The following KIAA1328 variants were observed in gnomAD, a reference collection of about 807,000 sequenced individuals.
KIAA1328 encodes the protein KIAA1328, also known as protein hinderin.
KIAA1328 carries 52 observed loss-of-function variants against 68.1 expected under a neutral mutation model. The ratio of observed to expected loss-of-function variants is 0.76; its 90% CI spans 0.61 to 0.96. The LOEUF is 0.96. Ranked by LOEUF, KIAA1328 falls within the 40% of genes least tolerant of loss-of-function variation. KIAA1328 has a pLI of 0.00. For synonymous variants in KIAA1328, 232 were observed against 239.4 expected (o/e 0.97, Z 0.28); for missense variants, 641 against 677.6 (o/e 0.95, Z 0.60).
intron 7 of KIAA1328, among the ~76,000 whole-genome samples, chr18:37,110,900 A>G (rs1482387811): frequency 6.6e-6 from 1 of 152,094 alleles, no homozygotes; most frequent in Non-Finnish European, 1.5e-5. Flanking sequence ...TTTACATTGA[A>G]CTCAACTATA....
Position 36,835,284 on chromosome 18 carries a change from A to G in KIAA1328, c.145A>G (p.Lys49Glu). 3 of 1,613,708 alleles carry G rather than the reference A, an allele frequency of 1.9e-6. No individual in the cohort carries two copies. Among genetic ancestry groups the G allele is most frequent in the Non-Finnish European group, 2.5e-6 (3 of 1,179,682 alleles). ...VRSRHKLMSP[K>E]ADVKLKTSRV... The stretch of plus-strand genomic sequence containing the variant: ...ATCAAGACACAAGCTGATGAGTCCA[A>G]AAGCTGATGTTAAACTTAAGACTTC... Residue 49 changes from lysine (K) to glutamate (E), a missense_variant, in exon 3 of 10, where the codon AAA becomes GAA. Coordinates refer to ENST00000280020, the MANE Select transcript of KIAA1328 (RefSeq NM_020776.3).
chr18:36,997,441 T>G (rs1474222709), intron 6 of KIAA1328, among the ~76,000 whole-genome samples: 2 of 152,130 alleles, frequency 1.3e-5, no homozygotes, highest in Non-Finnish European at 2.9e-5. Context: ...AGCCCATAAC[T>G]CTAGTCTGGA....
intron 6 of KIAA1328, among the ~76,000 whole-genome samples, chr18:37,044,948 G>A (rs1373706719): frequency 1.3e-5 from 2 of 152,086 alleles, no homozygotes; most frequent in African/African-American, 2.4e-5. Flanking sequence ...AAACAGACTT[G>A]AAGTTTAAGT....
chr18:36,877,423 A>T (rs2058189675), intron 4 of KIAA1328, among the ~76,000 whole-genome samples: 1 of 151,462 alleles, frequency 6.6e-6, no homozygotes, highest in Non-Finnish European at 1.5e-5. Context: ...CCATTATGTA[A>T]TGCCGTTCTT....
chr18:37,181,333 T>TA (rs2059694892), intron 9 of KIAA1328, among the ~76,000 whole-genome samples: 4 of 151,644 alleles, frequency 2.6e-5, no homozygotes, highest in Admixed American at 2.6e-4. Context: ...ACCAAGAGGG[T>TA]AAAAAGCCCA....
At position 37,223,768 on chromosome 18, in the gene KIAA1328, C is replaced by A; in HGVS notation, c.*1541C>A. The A allele has an allele frequency of 1.0e-6, 1 of 985,408 alleles. No homozygotes were observed. The highest frequency in any genetic ancestry group is 1.2e-6 in the Non-Finnish European group (1 of 829,932). The allele number at this position is 985,408 out of a possible 1,614,324, so 61.0% of individuals were successfully genotyped here. A position where few individuals can be genotyped will look rare whatever the true frequency, so the allele number is the denominator to read the frequency against. On this transcript the variant is annotated 3_prime_UTR_variant, in exon 10 of 10. Transcript: ENST00000280020. Reference sequence around the variant, plus strand: ...TCCTTATCCAGATAGATCCAAAGCTCATGTCTCTTCAGGCTGAGACTGGCG... The same window carrying A: ...TCCTTATCCAGATAGATCCAAAGCTAATGTCTCTTCAGGCTGAGACTGGCG...
intron 9 of KIAA1328, among the ~76,000 whole-genome samples, chr18:37,187,702 C>T (rs1218551792): frequency 3.3e-5 from 5 of 152,146 alleles, no homozygotes; most frequent in Admixed American, 1.3e-4. Flanking sequence ...AATTGTACCT[C>T]AGGGTTTTTT....
intron 6 of KIAA1328, among the ~76,000 whole-genome samples, chr18:37,016,584 C>A (rs1434658924): frequency 2.0e-5 from 3 of 152,098 alleles, no homozygotes; most frequent in Admixed American, 6.6e-5. Flanking sequence ...GTGAATCCAT[C>A]TGGTCTGGGG....
chr18:36,928,388 T>C (rs1430597559), intron 5 of KIAA1328, among the ~76,000 whole-genome samples: 1 of 152,200 alleles, frequency 6.6e-6, no homozygotes, highest in African/African-American at 2.4e-5. Context: ...AGTAATTTAC[T>C]TGACTTTATT....
At chr18:37,231,771 C>G (rs946421343), downstream of KIAA1328, 1 of 152,672 alleles carries the variant, frequency 6.5e-6, no homozygotes, top group Non-Finnish European at 1.5e-5. Flanking sequence ...ACCTGTTCTG[C>G]AGCTGTAAGA....
chr18:36,878,822 T>G (rs897467227), intron 4 of KIAA1328, among the ~76,000 whole-genome samples: 1 of 152,266 alleles, frequency 6.6e-6, no homozygotes, highest in Admixed American at 6.5e-5. Flanking sequence ...TTGATACTTG[T>G]GTATGCTTCA....
intron 9 of KIAA1328, among the ~76,000 whole-genome samples, chr18:37,212,917 C>A (rs2060345316): frequency 6.6e-6 from 1 of 152,066 alleles, no homozygotes; most frequent in African/African-American, 2.4e-5. Context: ...GGGTTTTTCA[C>A]CATGTTGGCC....
At chr18:36,849,565 G>A (rs1012441363) in intron 4 of KIAA1328, among the ~76,000 whole-genome samples, 14 of 151,996 alleles carry the variant, frequency 9.2e-5, no homozygotes, top group African/African-American at 2.7e-4. Flanking sequence ...TAATTTCAAG[G>A]TTGGCTGAGT....
At chr18:37,079,896 A>AG (rs1488115824) in intron 7 of KIAA1328, among the ~76,000 whole-genome samples, 2 of 151,992 alleles carry the variant, frequency 1.3e-5, no homozygotes, top group African/African-American at 2.4e-5. Context: ...AAAAAAAAAA[A>AG]AAAAACAGTT....
chr18:37,030,994 A>C (rs902926636), intron 6 of KIAA1328, among the ~76,000 whole-genome samples: 2 of 152,054 alleles, frequency 1.3e-5, no homozygotes, highest in South Asian at 2.1e-4. Flanking sequence ...CATCCATGTC[A>C]CTACAAAGGA....
At chr18:37,107,532 C>T (rs1282736999) in intron 7 of KIAA1328, among the ~76,000 whole-genome samples, 2 of 152,114 alleles carry the variant, frequency 1.3e-5, no homozygotes, top group Non-Finnish European at 2.9e-5. Context: ...CTCTGATTTC[C>T]TTCACCAGTG....
chr18:36,855,923 T>C (rs1233749589), intron 4 of KIAA1328, among the ~76,000 whole-genome samples: 3 of 152,076 alleles, frequency 2.0e-5, no homozygotes, highest in African/African-American at 7.2e-5. Flanking sequence ...CCAGCTCTCC[T>C]TTCATTTTTG....
chr18:36,894,725 A>G (rs192299677), intron 5 of KIAA1328, among the ~76,000 whole-genome samples: 7 of 151,990 alleles, frequency 4.6e-5, no homozygotes, highest in Admixed American at 3.3e-4. Flanking sequence ...GGGTCTCCCT[A>G]TGTTGCTCAG....
At chr18:36,840,751 A>G (rs2046833742) in intron 3 of KIAA1328, among the ~76,000 whole-genome samples, 1 of 152,102 alleles carries the variant, frequency 6.6e-6, no homozygotes, top group South Asian at 2.1e-4. Context: ...GTGCCCAGCC[A>G]TCTTGTGATT....
Sources: gnomAD v4.1 joint callset for allele counts (sites outside exome capture counted in the v4.1 genomes callset) on GRCh38, gnomAD v4.1.1 for gene constraint, MANE v1.5 for transcripts, NCBI Gene and HGNC (gene_info 2026-07-23, HGNC 2026-07-21) for gene names.